G3BP2: variants seen among roughly 807,000 people sequenced by gnomAD.
G3BP2 encodes the protein ras GTPase-activating protein-binding protein 2.
A neutral mutation model predicts 56.7 loss-of-function variants in G3BP2; 11 were observed. The observed-to-expected ratio is 0.19, with a 90% CI of 0.12 to 0.32. G3BP2 has a LOEUF of 0.32. Ranked by LOEUF, G3BP2 falls within the 10% of genes least tolerant of loss-of-function variation. The pLI is 1.00. For synonymous variants in G3BP2, 165 were observed against 191.6 expected (o/e 0.86, Z 1.15); for missense variants, 340 against 610.9 (o/e 0.56, Z 4.67).
intron 1 of G3BP2, 35 bp downstream of exon 1, chr4:75,673,173 C>T (rs767950212): frequency 8.0e-5 from 94 of 1,178,966 alleles, no homozygotes; most frequent in Non-Finnish European, 8.9e-5. Flanking sequence ...TTTCCGACCA[C>T]CACACCGACC....
chr4:75,678,532 T>C (rs796168000), intron 3 of G3BP2, among the ~76,000 whole-genome samples: 25 of 152,326 alleles, frequency 1.6e-4, no homozygotes, highest in African/African-American at 4.6e-4. Context: ...TTAAAGAGTC[T>C]GGCTGGGCAC....
chr4:75,654,516 TCTC>T (rs1279362974), intron 7 of G3BP2, among the ~76,000 whole-genome samples: 2 of 152,162 alleles, frequency 1.3e-5, no homozygotes, highest in East Asian at 1.9e-4. Context: ...GAACAAAGAA[TCTC>T]CTCCTATCAC....
intron 8 of G3BP2, among the ~76,000 whole-genome samples, chr4:75,649,823 A>G (rs1355715298): frequency 6.6e-6 from 1 of 152,144 alleles, no homozygotes; most frequent in African/African-American, 2.4e-5. Context: ...CAGCCTGCCC[A>G]ATATGGCGAA....
intron 3 of G3BP2, among the ~76,000 whole-genome samples, chr4:75,714,756 C>T (rs1187554209): frequency 6.6e-6 from 1 of 152,140 alleles, no homozygotes; most frequent in Non-Finnish European, 1.5e-5. Context: ...AAGGCACACT[C>T]ATTTGTAGAT....
Position 75,698,290 on chromosome 4 carries a change from T to C in G3BP2, c.-25+22587A>G, listed in dbSNP as rs116298470. ...CAGTGAAGGAGATATAATGACATCA[T>C]GTTGGTGGCTCTGAAGACGAAGGAA... On this transcript the variant is annotated intron_variant, in intron 3 of 3. Transcript: ENST00000499709. 2.9e-3 allele frequency among the ~76,000 whole-genome samples: 442 copies of C among 152,244 alleles called. 2 individuals are homozygous for C. Among genetic ancestry groups the C allele is most frequent in the African/African-American group, 0.01 (420 of 41,546 alleles).
Position 75,645,625 on chromosome 4 carries a change from T to C in G3BP2, c.1254A>G (p.Arg418=). ...TATCCCTGCGATCATCACCACCACCTCTGGTTTCTCGCTCTCTTGCAGCTC... is the reference window on the plus strand; with the variant it reads ...TATCCCTGCGATCATCACCACCACCCCTGGTTTCTCGCTCTCTTGCAGCTC... ...KTRAARERET[R]GGGDDRRDIR... is the part of the protein sequence containing the mutation. The change falls in exon 12 of 12, where the codon AGA becomes AGG. Residue 418 remains arginine, a synonymous_variant. Transcript: ENST00000359707. The C allele has an allele frequency of 6.2e-7, 1 of 1,613,786 alleles. No individual in the cohort carries two copies. The highest frequency in any genetic ancestry group is 8.5e-7 in the Non-Finnish European group (1 of 1,179,916).
intron 1 of G3BP2, among the ~76,000 whole-genome samples, chr4:75,664,028 C>T (rs1450506528): frequency 6.6e-6 from 1 of 150,666 alleles, no homozygotes; most frequent in Non-Finnish European, 1.5e-5. Flanking sequence ...GGACTACAGG[C>T]ACGTGTCACC....
intron 3 of G3BP2, among the ~76,000 whole-genome samples, chr4:75,679,519 T>A (rs1215285818): frequency 6.6e-6 from 1 of 152,196 alleles, no homozygotes; most frequent in African/African-American, 2.4e-5. Flanking sequence ...GGCCTGCCAA[T>A]CTGTGTGATG....
In G3BP2 at chr4:75,684,506, A is replaced by G. The variant is rs142533061; in HGVS notation, c.-24-22457T>C. ...TTTTTTAAAGTAAATGTATTTATTTAAATGTTGCTCTAAACTAGAAGTTTT... is the reference window on the plus strand; with the variant it reads ...TTTTTTAAAGTAAATGTATTTATTTGAATGTTGCTCTAAACTAGAAGTTTT... On this transcript the variant is annotated intron_variant, in intron 3 of 3. Coordinates refer to the G3BP2 transcript ENST00000499709. Among the ~76,000 whole-genome samples, 926 of 152,266 alleles carry G rather than the reference A, an allele frequency of 6.1e-3. 6 individuals are homozygous for G. Among genetic ancestry groups the G allele is most frequent in the African/African-American group, 0.021 (862 of 41,584 alleles).
intron 3 of G3BP2, among the ~76,000 whole-genome samples, chr4:75,691,082 A>C (rs1352826751): frequency 6.6e-6 from 1 of 151,328 alleles, no homozygotes; most frequent in Non-Finnish European, 1.5e-5. Context: ...TGTTTCATTT[A>C]TTCTTTTTTT....
intron 3 of G3BP2, among the ~76,000 whole-genome samples, chr4:75,687,932 T>C (rs1233869249): frequency 6.6e-6 from 1 of 152,188 alleles, no homozygotes; most frequent in Non-Finnish European, 1.5e-5. Flanking sequence ...AGGAGGGTGT[T>C]AAGTTAAAAA....
At chr4:75,696,587 C>A (rs989735475) in intron 3 of G3BP2, among the ~76,000 whole-genome samples, 1 of 152,176 alleles carries the variant, frequency 6.6e-6, no homozygotes, top group African/African-American at 2.4e-5. Flanking sequence ...GAGTTATGTT[C>A]TTCCCTTCTC....
At chr4:75,650,189 C>T (rs1186931887) in intron 8 of G3BP2, among the ~76,000 whole-genome samples, 2 of 152,010 alleles carry the variant, frequency 1.3e-5, no homozygotes, top group African/African-American at 4.8e-5. Flanking sequence ...CACCCCAGCA[C>T]TTTGGGAGGC....
chr4:75,681,708 G>A (rs1245588372), intron 3 of G3BP2, among the ~76,000 whole-genome samples: 1 of 151,704 alleles, frequency 6.6e-6, no homozygotes, highest in Non-Finnish European at 1.5e-5. Flanking sequence ...ACTTAGCCGG[G>A]CGTGGTGGTG....
At position 75,645,457 on chromosome 4, in the gene G3BP2, C is replaced by T. The variant is rs1273024564; in HGVS notation, c.1422G>A (p.Glu474=). 6.2e-7 allele frequency: 1 copy of T among 1,613,998 alleles called. No individual in the cohort carries two copies. The highest frequency in any genetic ancestry group is 1.3e-5 in the African/African-American group (1 of 74,918). The stretch of plus-strand genomic sequence containing the variant: ...AGCGACGCTGTCCTGTGAAGCGGCC[C>T]TCCATTTGCCCGGTTCCTCTTCCAG... ...LGSGRGTGQM[E]GRFTGQRR Residue 474 remains glutamate, a synonymous_variant, in exon 12 of 12, where the codon GAG becomes GAA. Coordinates refer to ENST00000359707, the MANE Select transcript of G3BP2 (RefSeq NM_203505.3).
chr4:75,663,120 C>G (rs1732700453), intron 1 of G3BP2, among the ~76,000 whole-genome samples: 1 of 152,194 alleles, frequency 6.6e-6, no homozygotes, highest in Non-Finnish European at 1.5e-5. Flanking sequence ...AGATAAGTCT[C>G]TAGCCCTCAA....
rs556008927 is a variant in G3BP2, at chr4:75,644,547, TATTAC to T, written c.*878_*882del. 3.0e-4 allele frequency: 46 copies of T among 152,742 alleles called. No homozygotes were observed. The highest frequency in any genetic ancestry group is 6.0e-4 in the African/African-American group (25 of 41,562). 9.5% of individuals were successfully genotyped at this position (152,742 alleles called of 1,614,324 possible). On this transcript the variant is annotated 3_prime_UTR_variant, in exon 12 of 12. Coordinates refer to ENST00000359707, the MANE Select transcript of G3BP2 (RefSeq NM_203505.3). ...TATTAATAGAAGGCACCATCATGCT[TATTAC>T]ATTACCAGAGAACAAAAATACAGTA...
At chr4:75,655,343 ATAACTTGT>A (rs1227987629) in intron 6 of G3BP2, 97 bp from the exon 7 acceptor site, 1 of 854,068 alleles carries the variant, frequency 1.2e-6, no homozygotes, top group African/African-American at 1.7e-5. Flanking sequence ...TTATATGCCA[ATAACTTGT>A]TCTAGATCTA....
chr4:75,709,595 G>C (rs771513427), intron 3 of G3BP2, among the ~76,000 whole-genome samples: 1 of 152,030 alleles, frequency 6.6e-6, no homozygotes, highest in African/African-American at 2.4e-5. Flanking sequence ...CTGGGCAACA[G>C]AGCAAGACTC....
Sources: gnomAD v4.1 joint callset for allele counts (sites outside exome capture counted in the v4.1 genomes callset) on GRCh38, gnomAD v4.1.1 for gene constraint, MANE v1.5 for transcripts, NCBI Gene and HGNC (gene_info 2026-07-23, HGNC 2026-07-21) for gene names.